Variants in IMMT observed in about 807,000 individuals in gnomAD.
The protein encoded by IMMT is inner membrane mitochondrial protein.
A neutral mutation model predicts 92.7 loss-of-function variants in IMMT; 40 were observed. The ratio of observed to expected loss-of-function variants is 0.43; its 90% CI spans 0.34 to 0.56. The LOEUF (loss-of-function observed/expected upper bound fraction) is 0.56. Ranked by LOEUF, IMMT falls within the 20% of genes least tolerant of loss-of-function variation. The probability of loss-of-function intolerance (pLI) is 0.03; values close to 1 mark genes in which losing one functional copy is unlikely to be tolerated. For missense variants in IMMT, 831 were observed against 912.1 expected, an observed-to-expected ratio of 0.91 and a Z score of 1.14; for synonymous variants, 322 against 336.1, an observed-to-expected ratio of 0.96 and a Z score of 0.46.
chr2:86,146,143 C>G lies in IMMT; in HGVS notation c.1588G>C (p.Glu530Gln). ...QELQFRRLSQ[E>Q]QVDNFTLDIN... ...TCCAGAGTAAAGTTGTCAACTTGCT[C>G]TTGACTGAGACGACGAAATTGTAAT... The change falls in exon 14 of 15, where the codon GAG (glutamate) becomes CAG (glutamine). Residue 530 changes from glutamate (E) to glutamine (Q), a missense_variant. By Grantham distance (29) the Glu-to-Gln change is conservative (BLOSUM62 2). Transcript: ENST00000410111. The G allele has an allele frequency of 6.2e-7, 1 of 1,608,248 alleles. No homozygotes were observed. The highest frequency in any genetic ancestry group is 8.5e-7 in the Non-Finnish European group (1 of 1,176,002).
Position 86,181,292 on chromosome 2 carries a change from T to C in IMMT, c.119+7A>G, listed in dbSNP as rs1203835184. 1.9e-6 allele frequency: 3 copies of C among 1,608,630 alleles called. No homozygotes were observed. The highest frequency in any genetic ancestry group is 1.6e-4 in the Middle Eastern group (1 of 6,070). ...AAAGCCTGGTTATAGGGAGACATAA[T>C]ACATACCCAGAGCTGCCTGAAGTAG... On this transcript the variant is annotated splice_region_variant and intron_variant, in intron 2 of 14. Coordinates refer to ENST00000410111, the MANE Select transcript of IMMT (RefSeq NM_006839.3).
chr2:86,182,273 G>C (rs574705544), intron 1 of IMMT, among the ~76,000 whole-genome samples: 1 of 152,074 alleles, frequency 6.6e-6, no homozygotes, highest in South Asian at 2.1e-4. Flanking sequence ...TGCAACAAGA[G>C]GAAAAATGCT....
intron 11 of IMMT, among the ~76,000 whole-genome samples, chr2:86,153,280 A>G (rs1280235301): frequency 6.8e-6 from 1 of 148,078 alleles, no homozygotes; most frequent in African/African-American, 2.5e-5. Flanking sequence ...GAAATTCTCC[A>G]AAGTAATCAG....
chr2:86,150,234 G>A (rs1675366209), intron 12 of IMMT, among the ~76,000 whole-genome samples: 1 of 152,194 alleles, frequency 6.6e-6, no homozygotes. Flanking sequence ...GGAACCTGAA[G>A]CCAAGGCAGA....
Position 86,147,756 on chromosome 2 carries a change from G to A in IMMT, c.1479C>T (p.His493=), listed in dbSNP as rs559510624. Residue 493 remains histidine, a synonymous_variant, in exon 13 of 15, where the codon CAC becomes CAT. Transcript: ENST00000410111. ...CTTGTACCCTAAGGACATCTCGCAA[G>A]TGATCAGTGTGGGCAGCTGCCTGTC... is the stretch of plus-strand genomic sequence containing the variant. The part of the protein sequence containing the change: ...LRRQAAAHTD[H]LRDVLRVQEQ... 11 of 1,613,900 alleles carry A rather than the reference G, an allele frequency of 6.8e-6. No homozygotes were observed. In the East Asian group the frequency reaches 1.8e-4, roughly 26 times the overall value.
chr2:86,157,790 AAAAAAAAAAAAAAG>A (rs932315102), intron 10 of IMMT, among the ~76,000 whole-genome samples: 5 of 93,352 alleles, frequency 5.4e-5, no homozygotes, highest in Non-Finnish European at 1.1e-4. Context: ...CTTTGTCTCA[AAAAAAAAAAAAAAG>A]AAAAAAAAAA....
At chr2:86,168,563 T>C (rs531430265) in intron 6 of IMMT, among the ~76,000 whole-genome samples, 4 of 152,150 alleles carry the variant, frequency 2.6e-5, no homozygotes, top group African/African-American at 9.6e-5. Context: ...TTGGAGGTTG[T>C]AGTGAGCCGA....
chr2:86,148,293 T>C (rs1305542294), intron 12 of IMMT, among the ~76,000 whole-genome samples: 6 of 152,226 alleles, frequency 3.9e-5, no homozygotes, highest in Admixed American at 3.9e-4. Flanking sequence ...TGAGTAATAA[T>C]GCCTACTTTG....
chr2:86,194,642 A>G (rs1334004314), intron 1 of IMMT, among the ~76,000 whole-genome samples: 1 of 152,180 alleles, frequency 6.6e-6, no homozygotes, highest in African/African-American at 2.4e-5. Flanking sequence ...ATTACGCAAA[A>G]CTAGAAGTAA....
chr2:86,189,413 T>C (rs897866916), intron 1 of IMMT, among the ~76,000 whole-genome samples: 7 of 152,116 alleles, frequency 4.6e-5, no homozygotes, highest in African/African-American at 1.7e-4. Flanking sequence ...TTTTGTATTT[T>C]TAGTAGAGAC....
intron 1 of IMMT, among the ~76,000 whole-genome samples, chr2:86,185,486 C>A (rs1024814669): frequency 1.3e-5 from 2 of 152,052 alleles, no homozygotes; most frequent in African/African-American, 4.8e-5. Context: ...AGTCTTTTTA[C>A]CTTGAGGAAA....
At chr2:86,164,034 T>G in intron 7 of IMMT, among the ~76,000 whole-genome samples, 1 of 147,560 alleles carries the variant, frequency 6.8e-6, no homozygotes, top group Admixed American at 6.8e-5. Flanking sequence ...GATGTTTCAG[T>G]GAATTCCCAC....
intron 7 of IMMT, among the ~76,000 whole-genome samples, chr2:86,163,076 T>C (rs1352384499): frequency 6.6e-6 from 1 of 152,152 alleles, no homozygotes; most frequent in Non-Finnish European, 1.5e-5. Context: ...GGCTCATGCC[T>C]GTAATCCCAG....
At chr2:86,149,491 C>T (rs1338600785) in intron 12 of IMMT, among the ~76,000 whole-genome samples, 1 of 152,148 alleles carries the variant, frequency 6.6e-6, no homozygotes, top group African/African-American at 2.4e-5. Context: ...TATTTGCCTG[C>T]GTAAATAGAC....
chr2:86,150,977 C>T (rs770896512), intron 12 of IMMT, among the ~76,000 whole-genome samples: 6 of 151,612 alleles, frequency 4.0e-5, no homozygotes, highest in Non-Finnish European at 8.8e-5. Context: ...AATGCAGTGG[C>T]ACGATCTTAG....
intron 7 of IMMT, among the ~76,000 whole-genome samples, chr2:86,163,692 G>C (rs1252651906): frequency 6.6e-6 from 1 of 151,908 alleles, no homozygotes; most frequent in Non-Finnish European, 1.5e-5. Flanking sequence ...GTTCTATGTA[G>C]CCAGGTGCAG....
chr2:86,193,465 A>G (rs1004457386), intron 1 of IMMT, among the ~76,000 whole-genome samples: 1 of 152,000 alleles, frequency 6.6e-6, no homozygotes, highest in Non-Finnish European at 1.5e-5. Context: ...GACAAGTGAG[A>G]TATTCTGGAT....
At position 86,166,684 on chromosome 2, in the gene IMMT, C is replaced by T. The variant is rs763412082; in HGVS notation, c.656-40G>A. 8 of 1,546,050 alleles carry T rather than the reference C, an allele frequency of 5.2e-6. No homozygotes were observed. In the South Asian group the frequency reaches 7.3e-5, roughly 14 times the overall value. The stretch of plus-strand genomic sequence containing the variant: ...AGAACAGTTAAAAAACAAATCCTAC[C>T]CCCATAAATGACTTTAAACTTTTGC... On this transcript the variant is annotated intron_variant, in intron 6 of 14. Coordinates refer to ENST00000410111, the MANE Select transcript of IMMT (RefSeq NM_006839.3).
chr2:86,158,799 C>T (rs1676055522), intron 9 of IMMT, 78 bp from the exon 10 acceptor site: 1 of 1,188,074 alleles, frequency 8.4e-7, no homozygotes, highest in Non-Finnish European at 1.2e-6. Context: ...AGTAGTATTC[C>T]TTCATTTGTT....
Sources: allele counts gnomAD v4.1 joint callset (sites outside exome capture counted in the v4.1 genomes callset), GRCh38; gene constraint gnomAD v4.1.1; transcripts MANE v1.5; gene names NCBI Gene and HGNC (gene_info 2026-07-23, HGNC 2026-07-21).